The following CWC27 variants were observed in gnomAD, a reference collection of about 807,000 sequenced individuals.
CWC27 encodes the protein spliceosome-associated protein CWC27 homolog.
CWC27 carries 47 observed loss-of-function variants against 63.6 expected under a neutral mutation model. That is an observed-to-expected ratio of 0.74 (90% CI 0.58 to 0.94). The LOEUF (loss-of-function observed/expected upper bound fraction) is 0.94, where lower values mean the gene tolerates loss of function less well. Among genes scored for constraint, CWC27 ranks in the 40% least tolerant of loss-of-function variants. The probability of loss-of-function intolerance (pLI) is 0.00; values close to 1 mark genes in which losing one functional copy is unlikely to be tolerated. For missense variants in CWC27, 495 were observed against 554.3 expected, an observed-to-expected ratio of 0.89 and a Z score of 1.07; for synonymous variants, 175 against 179.8, an observed-to-expected ratio of 0.97 and a Z score of 0.22.
At chr5:64,885,190 T>TG (rs527540134) in intron 10 of CWC27, among the ~76,000 whole-genome samples, 6 of 152,126 alleles carry the variant, frequency 3.9e-5, no homozygotes, top group Non-Finnish European at 8.8e-5. Flanking sequence ...AGGAAGATAA[T>TG]GGGTCATTTA....
chr5:64,997,519 A>C (rs1273739622), intron 13 of CWC27, among the ~76,000 whole-genome samples: 2 of 152,200 alleles, frequency 1.3e-5, no homozygotes, highest in Admixed American at 1.3e-4. Context: ...AGATGATTAC[A>C]ATATATACCA....
intron 10 of CWC27, among the ~76,000 whole-genome samples, chr5:64,862,462 C>T (rs527382478): frequency 3.2e-4 from 49 of 152,086 alleles, no homozygotes; most frequent in Admixed American, 3.2e-3. Flanking sequence ...TAAAATACTT[C>T]AACACAGAAA....
At chr5:64,880,460 G>C (rs536925661) in intron 10 of CWC27, among the ~76,000 whole-genome samples, 1 of 151,838 alleles carries the variant, frequency 6.6e-6, no homozygotes, top group African/African-American at 2.4e-5. Flanking sequence ...AGATTATTGA[G>C]GGATAGAGGA....
intron 1 of CWC27, 28 bp downstream of exon 1, chr5:64,769,216 G>A: frequency 6.2e-7 from 1 of 1,609,744 alleles, no homozygotes; most frequent in Non-Finnish European, 8.5e-7. Context: ...GGAACTTGGG[G>A]TCCTGGGATC....
chr5:64,844,956 A>G (rs1745936642), intron 10 of CWC27: 1 of 456,582 alleles, frequency 2.2e-6, no homozygotes, highest in Non-Finnish European at 4.4e-6. Flanking sequence ...AGCCCAGCCT[A>G]CAGCCCGGCC....
intron 11 of CWC27, among the ~76,000 whole-genome samples, chr5:64,928,877 G>A (rs1257679093): frequency 2.0e-5 from 3 of 151,488 alleles, no homozygotes; most frequent in Non-Finnish European, 4.4e-5. Context: ...CTGCTGGGAG[G>A]TAAAAGAAAA....
intron 11 of CWC27, among the ~76,000 whole-genome samples, chr5:64,895,320 G>GA (rs75134965): frequency 1.2e-4 from 17 of 143,624 alleles, no homozygotes; most frequent in South Asian, 4.4e-4. Flanking sequence ...CAACCTAACA[G>GA]AAAAAAAAAA....
At chr5:64,894,130 A>G (rs1393823218) in intron 11 of CWC27, among the ~76,000 whole-genome samples, 1 of 152,000 alleles carries the variant, frequency 6.6e-6, no homozygotes, top group Non-Finnish European at 1.5e-5. Context: ...GGGTTTCACC[A>G]TGTTGACCAG....
chr5:64,829,536 A>C (rs1745456415), intron 10 of CWC27, among the ~76,000 whole-genome samples: 1 of 152,052 alleles, frequency 6.6e-6, no homozygotes, highest in East Asian at 1.9e-4. Flanking sequence ...TACCGTTAGA[A>C]CTACACAGAA....
At chr5:64,919,492 A>G (rs1352448061) in intron 11 of CWC27, among the ~76,000 whole-genome samples, 2 of 152,018 alleles carry the variant, frequency 1.3e-5, no homozygotes, top group African/African-American at 4.8e-5. Context: ...TAGCCTTCCA[A>G]CCTACACCCT....
intron 11 of CWC27, among the ~76,000 whole-genome samples, chr5:64,969,351 T>C (rs557527004): frequency 2.6e-5 from 4 of 152,294 alleles, no homozygotes; most frequent in Admixed American, 2.6e-4. Flanking sequence ...ATTAAACAGT[T>C]CTACTGATAC....
chr5:64,996,384 A>G (rs928763749), intron 13 of CWC27, among the ~76,000 whole-genome samples: 1 of 152,186 alleles, frequency 6.6e-6, no homozygotes, highest in East Asian at 1.9e-4. Flanking sequence ...TGTAATAGTA[A>G]TGTTTTATTA....
At chr5:64,939,378 C>T (rs1748423981) in intron 11 of CWC27, among the ~76,000 whole-genome samples, 1 of 152,226 alleles carries the variant, frequency 6.6e-6, no homozygotes, top group Admixed American at 6.5e-5. Context: ...GGCCCCTCTG[C>T]TGCAGGTCTG....
chr5:64,992,621 T>C (rs977368881), intron 13 of CWC27, among the ~76,000 whole-genome samples: 1 of 151,698 alleles, frequency 6.6e-6, no homozygotes, highest in Non-Finnish European at 1.5e-5. Context: ...AAGCTCCGCC[T>C]CCTGGGTTCA....
intron 10 of CWC27, among the ~76,000 whole-genome samples, chr5:64,858,170 A>T: frequency 3.4e-5 from 4 of 116,894 alleles, no homozygotes; most frequent in East Asian, 2.7e-4. Flanking sequence ...AAAAATGAAT[A>T]GGAAGCCGGC....
At chr5:64,846,390 A>G (rs1175071876) in intron 10 of CWC27, among the ~76,000 whole-genome samples, 4 of 152,258 alleles carry the variant, frequency 2.6e-5, no homozygotes, top group Admixed American at 2.6e-4. Flanking sequence ...CATTAAAAAC[A>G]TAATGTTGAG....
intron 6 of CWC27, among the ~76,000 whole-genome samples, chr5:64,787,375 A>G (rs1162502128): frequency 1.3e-5 from 2 of 152,150 alleles, no homozygotes; most frequent in African/African-American, 4.8e-5. Context: ...TGATCCCTGT[A>G]ACAATTATTT....
At chr5:64,912,630 C>T (rs1747815144) in intron 11 of CWC27, among the ~76,000 whole-genome samples, 1 of 152,096 alleles carries the variant, frequency 6.6e-6, no homozygotes. Context: ...TTGATAAACT[C>T]TTAATGAGTT....
chr5:64,792,256 C>T (rs1744110351), intron 7 of CWC27, among the ~76,000 whole-genome samples: 1 of 152,062 alleles, frequency 6.6e-6, no homozygotes, highest in Non-Finnish European at 1.5e-5. Context: ...TTATCTGAGA[C>T]CCACTAAATT....
Sources: allele counts gnomAD v4.1 joint callset (sites outside exome capture counted in the v4.1 genomes callset), GRCh38; gene constraint gnomAD v4.1.1; transcripts MANE v1.5; gene names NCBI Gene and HGNC (gene_info 2026-07-23, HGNC 2026-07-21).